LRRC4C: variants seen among roughly 807,000 people sequenced by gnomAD.
The protein encoded by LRRC4C is leucine-rich repeat-containing protein 4C.
In LRRC4C, 5 loss-of-function variants were observed where a neutral mutation model predicts 33.6. That is an observed-to-expected ratio of 0.15 (90% confidence interval 0.08 to 0.31). The LOEUF is 0.31. Among genes scored for constraint, LRRC4C ranks in the 10% least tolerant of loss-of-function variants. The pLI is 1.00. For missense variants in LRRC4C, 560 were observed against 796.7 expected (o/e 0.70, Z 3.58); for synonymous variants, 329 against 302.0 (o/e 1.09, Z -0.93).
intron 2 of LRRC4C, among the ~76,000 whole-genome samples, chr11:40,860,829 A>G (rs1201191306): frequency 2.2e-5 from 3 of 136,126 alleles, no homozygotes. Context: ...GTGAGGCACG[A>G]TTCAACCCAT....
chr11:40,769,124 T>C (rs1949626603), intron 2 of LRRC4C, among the ~76,000 whole-genome samples: 1 of 152,054 alleles, frequency 6.6e-6, no homozygotes, highest in Admixed American at 6.6e-5. Context: ...GATAAATAAT[T>C]CAGTGAAGTT....
At chr11:40,941,899 G>C (rs1033665984) in intron 1 of LRRC4C, among the ~76,000 whole-genome samples, 1 of 152,096 alleles carries the variant, frequency 6.6e-6, no homozygotes, top group South Asian at 2.1e-4. Context: ...ATACAGGATA[G>C]AGAAGGCATT....
At chr11:40,810,868 A>T (rs1003609069) in intron 2 of LRRC4C, among the ~76,000 whole-genome samples, 6 of 152,150 alleles carry the variant, frequency 3.9e-5, no homozygotes, top group African/African-American at 1.4e-4. Flanking sequence ...ATAACCCTTT[A>T]CAGTCCAGAA....
At chr11:40,987,366 T>C (rs1010263206) in intron 1 of LRRC4C, among the ~76,000 whole-genome samples, 3 of 152,100 alleles carry the variant, frequency 2.0e-5, no homozygotes, top group Admixed American at 2.0e-4. Context: ...ACTGAGAGTT[T>C]AATAACTTGC....
intron 2 of LRRC4C, among the ~76,000 whole-genome samples, chr11:40,803,616 A>G (rs1167670896): frequency 6.6e-6 from 1 of 151,898 alleles, no homozygotes; most frequent in Non-Finnish European, 1.5e-5. Flanking sequence ...TAATTAATGA[A>G]TTTATTTATT....
chr11:41,329,114 G>C (rs769762350), intron 1 of LRRC4C, among the ~76,000 whole-genome samples: 93 of 152,310 alleles, frequency 6.1e-4, no homozygotes, highest in Non-Finnish European at 1.2e-3. Context: ...ACTTCTGGGT[G>C]CTTGGGGGAA....
chr11:40,443,326 G>T lies in LRRC4C; in HGVS notation c.-269-123605C>A, dbSNP rs147261207. ...TTTCCCTAAAAATTTCTGTGGCGGCGCTTTCATTGCTATTACAAATATAGA... is the reference window on the plus strand; with the variant it reads ...TTTCCCTAAAAATTTCTGTGGCGGCTCTTTCATTGCTATTACAAATATAGA... On this transcript the variant is annotated intron_variant, in intron 3 of 6. Transcript: ENST00000528697. Among the ~76,000 whole-genome samples the T allele has an allele frequency of 1.7e-3, 252 of 152,216 alleles. 3 individuals are homozygous for T. The East Asian group carries it at 0.024, about 14-fold the overall frequency.
In LRRC4C at chr11:40,362,663, T is replaced by C. The variant is rs184707945; in HGVS notation, c.-269-42942A>G. Among the ~76,000 whole-genome samples the C allele has an allele frequency of 5.4e-3, 827 of 152,320 alleles. 27 individuals are homozygous for C. The highest frequency in any genetic ancestry group is 0.048 in the Admixed American group (727 of 15,292). ...TGAACCCAGGAGGTGGAGGTTGTAG[T>C]GAGCTGAGATCCCACCATTGCACTC... On this transcript the variant is annotated intron_variant, in intron 3 of 6. Transcript: ENST00000528697.
At chr11:40,854,991 C>T (rs73472646) in intron 2 of LRRC4C, among the ~76,000 whole-genome samples, 5 of 152,034 alleles carry the variant, frequency 3.3e-5, no homozygotes, top group African/African-American at 1.2e-4. Flanking sequence ...TTGATAAACT[C>T]GCTAAAGTTG....
intron 4 of LRRC4C, among the ~76,000 whole-genome samples, chr11:40,287,252 CTGTA>C (rs1314986874): frequency 1.2e-4 from 12 of 103,636 alleles, no homozygotes; most frequent in East Asian, 2.9e-4. Flanking sequence ...CTTAATGTCA[CTGTA>C]TGTGTGTGTG....
At chr11:41,059,998 C>G (rs1858946708) in intron 1 of LRRC4C, among the ~76,000 whole-genome samples, 1 of 152,188 alleles carries the variant, frequency 6.6e-6, no homozygotes, top group South Asian at 2.1e-4. Flanking sequence ...GCACTCCAGC[C>G]TGGGTGACAG....
intron 1 of LRRC4C, among the ~76,000 whole-genome samples, chr11:41,247,865 C>T (rs968511374): frequency 6.6e-6 from 1 of 152,084 alleles, no homozygotes; most frequent in African/African-American, 2.4e-5. Context: ...CACGCTGGCC[C>T]ATTTTGAGGC....
intron 5 of LRRC4C, among the ~76,000 whole-genome samples, chr11:40,162,400 A>T (rs575139641): frequency 6.6e-6 from 1 of 152,064 alleles, no homozygotes; most frequent in East Asian, 1.9e-4. Flanking sequence ...AAATAAATAA[A>T]TTGCTTCCTC....
chr11:40,487,395 G>C (rs1372639564), intron 3 of LRRC4C, among the ~76,000 whole-genome samples: 5 of 152,062 alleles, frequency 3.3e-5, no homozygotes, highest in Non-Finnish European at 1.5e-5. Flanking sequence ...TGATATCCAT[G>C]TCTTAATACC....
intron 1 of LRRC4C, among the ~76,000 whole-genome samples, chr11:41,197,230 C>T (rs148026791): frequency 1.2e-3 from 175 of 152,072 alleles, no homozygotes; most frequent in African/African-American, 4.1e-3. Flanking sequence ...TTCACGGATA[C>T]AAAATAAGAC....
chr11:41,330,532 T>A (rs2137365498), intron 1 of LRRC4C, among the ~76,000 whole-genome samples: 1 of 152,222 alleles, frequency 6.6e-6, no homozygotes, highest in Middle Eastern at 3.4e-3. Flanking sequence ...CCTTCACCCC[T>A]TCATATGAAC....
intron 1 of LRRC4C, among the ~76,000 whole-genome samples, chr11:41,178,468 C>T (rs1945301483): frequency 6.6e-6 from 1 of 152,134 alleles, no homozygotes; most frequent in Non-Finnish European, 1.5e-5. Context: ...ATTCTCATGC[C>T]TCAGCCTCCT....
intron 2 of LRRC4C, among the ~76,000 whole-genome samples, chr11:40,677,886 A>C (rs1944481036): frequency 6.6e-6 from 1 of 152,110 alleles, no homozygotes; most frequent in Non-Finnish European, 1.5e-5. Context: ...TACAGCATTG[A>C]TATCCGGAGT....
At chr11:40,983,713 A>T (rs578204617) in intron 1 of LRRC4C, among the ~76,000 whole-genome samples, 7 of 152,212 alleles carry the variant, frequency 4.6e-5, no homozygotes, top group Non-Finnish European at 1.0e-4. Context: ...AAAGGAAGAC[A>T]TATATGTGGC....
Sources: gnomAD v4.1 joint callset for allele counts (sites outside exome capture counted in the v4.1 genomes callset) on GRCh38, gnomAD v4.1.1 for gene constraint, MANE v1.5 for transcripts, NCBI Gene and HGNC (gene_info 2026-07-23, HGNC 2026-07-21) for gene names.